Variants in TAF8 observed in about 807,000 individuals in gnomAD.
TAF8 encodes TATA-box binding protein associated factor 8.
A neutral mutation model predicts 36.5 loss-of-function variants in TAF8; 47 were observed. The ratio of observed to expected loss-of-function variants is 1.29; its 90% CI spans 1.02 to 1.64. The LOEUF (loss-of-function observed/expected upper bound fraction) is 1.64, where lower values mean the gene tolerates loss of function less well. Among genes scored for constraint, TAF8 ranks in the 40% most tolerant of loss-of-function variants. The pLI, the probability that TAF8 is intolerant of heterozygous loss-of-function variation, is 0.00. For missense variants in TAF8, 420 were observed against 407.6 expected, an observed-to-expected ratio of 1.03 and a Z score of -0.26; for synonymous variants, 175 against 159.5, an observed-to-expected ratio of 1.10 and a Z score of -0.73.
chr6:42,078,600 A>G lies in TAF8; in HGVS notation c.*1055A>G. The G allele has an allele frequency of 1.0e-6, 1 of 985,468 alleles. No homozygotes were observed. Among genetic ancestry groups the G allele is most frequent in the Non-Finnish European group, 1.2e-6 (1 of 829,950 alleles). The allele number at this position is 985,468 out of a possible 1,614,324, so 61.0% of individuals were successfully genotyped here. On this transcript the variant is annotated 3_prime_UTR_variant, in exon 9 of 9. Coordinates refer to ENST00000372977, the MANE Select transcript of TAF8 (RefSeq NM_138572.3). ...AGATGCATCACTGTGAAGAAGAACG[A>G]CATGTCGGGGCTGCACCTGTCCTCC...
At chr6:42,086,776 A>G (rs1210735833), downstream of TAF8, 1 of 1,548,778 alleles carries the variant, frequency 6.5e-7, no homozygotes, top group Non-Finnish European at 8.7e-7. Flanking sequence ...GTGCTCCCCA[A>G]GGAGATCGGT....
intron 7 of TAF8, among the ~76,000 whole-genome samples, chr6:42,070,448 C>T (rs955435217): frequency 7.9e-5 from 12 of 152,134 alleles, no homozygotes; most frequent in Non-Finnish European, 1.3e-4. Context: ...GCCAAGATCG[C>T]GCCACTGCAC....
At chr6:42,051,139 C>A (rs1472939985) in intron 1 of TAF8, 1 of 1,285,994 alleles carries the variant, frequency 7.8e-7, no homozygotes. Context: ...CTCATTGGGA[C>A]TGTACGTTTT....
At chr6:42,057,696 G>C (rs1290499304) in intron 5 of TAF8, 183 bp downstream of exon 5, 5 of 729,114 alleles carry the variant, frequency 6.9e-6, no homozygotes, top group Non-Finnish European at 1.1e-5. Flanking sequence ...GAGGCAGGAG[G>C]ATCACTTGAG....
chr6:42,056,089 G>T (rs1764978157), intron 4 of TAF8, 75 bp downstream of exon 4: 6 of 983,702 alleles, frequency 6.1e-6, no homozygotes, highest in Non-Finnish European at 9.8e-6. Context: ...GAATATGGTA[G>T]GGATTGGATT....
chr6:42,050,704 C>A, intron 1 of TAF8, 118 bp downstream of exon 1: 1 of 1,287,548 alleles, frequency 7.8e-7, no homozygotes, highest in Non-Finnish European at 1.0e-6. Context: ...CTCCGACTGG[C>A]GGAGGGTGTT....
Position 42,068,541 on chromosome 6 carries a change from A to C in TAF8, c.714A>C (p.Glu238Asp). The change falls in exon 7 of 9, where the codon GAA becomes GAC. Residue 238 changes from glutamate (E) to aspartate (D), a missense_variant. Physicochemically the swap from Glu to Asp is conservative, Grantham distance 45 (BLOSUM62 2). Coordinates refer to ENST00000372977, the MANE Select transcript of TAF8 (RefSeq NM_138572.3). ...CTGAACTGGAGATGCAACAAATGGA[A>C]GAGACAGATTCCTCGGAGCAGGATG... ...LPSELEMQQMEETDSSEQDEQ... is the reference protein window; with the variant it reads ...LPSELEMQQMDETDSSEQDEQ... 1 of 1,614,082 alleles carries C rather than the reference A, an allele frequency of 6.2e-7. No homozygotes were observed. The highest frequency in any genetic ancestry group is 8.5e-7 in the Non-Finnish European group (1 of 1,179,994).
intron 7 of TAF8, among the ~76,000 whole-genome samples, chr6:42,075,652 CAA>C (rs1341052193): frequency 2.0e-5 from 3 of 152,122 alleles, no homozygotes; most frequent in African/African-American, 7.2e-5. Context: ...ACAGGAATCT[CAA>C]TGACTTCTTC....
chr6:42,050,574 T>G lies in TAF8; in HGVS notation c.33T>G (p.Gly11=), dbSNP rs61744022. Residue 11 remains glycine, a synonymous_variant, in exon 1 of 9, where the codon GGT becomes GGG. Transcript: ENST00000372977. Reference sequence around the variant, plus strand: ...ACGCGGCGGCCACAGCTGGGGCCGGTGGCTCCGGAACGGTAAGGGCAGGAA... The same window carrying G: ...ACGCGGCGGCCACAGCTGGGGCCGGGGGCTCCGGAACGGTAAGGGCAGGAA... MADAAATAGA[G]GSGTRSGSKQ... is the part of the protein sequence containing the mutation. 82 of 1,538,728 alleles carry G rather than the reference T, an allele frequency of 5.3e-5. No homozygotes were observed. In the African/African-American group the frequency reaches 9.1e-4, roughly 17 times the overall value.
At chr6:42,067,147 T>C (rs1176552970) in intron 6 of TAF8, among the ~76,000 whole-genome samples, 4 of 152,216 alleles carry the variant, frequency 2.6e-5, no homozygotes, top group African/African-American at 9.6e-5. Context: ...GGAACATGGC[T>C]AGTAGACATC....
downstream of TAF8, chr6:42,086,744 A>G: frequency 1.9e-6 from 3 of 1,551,218 alleles, no homozygotes; most frequent in Non-Finnish European, 2.6e-6. Context: ...GAGAATTGTG[A>G]GACTTTGCCC....
In TAF8 at chr6:42,078,360, G is replaced by C. The variant is rs914314761; in HGVS notation, c.*815G>C. 2 of 985,468 alleles carry C rather than the reference G, an allele frequency of 2.0e-6. No individual in the cohort carries two copies. The highest frequency in any genetic ancestry group is 2.4e-6 in the Non-Finnish European group (2 of 829,948). The allele number at this position is 985,468 out of a possible 1,614,324, so 61.0% of individuals were successfully genotyped here. On this transcript the variant is annotated 3_prime_UTR_variant, in exon 9 of 9. Coordinates refer to ENST00000372977, the MANE Select transcript of TAF8 (RefSeq NM_138572.3). Reference sequence around the variant, plus strand: ...TTACAAGGAAGACTGTTTGTCCAGCGTGTATTTCAGGATATCTGGATCCCT... The same window carrying C: ...TTACAAGGAAGACTGTTTGTCCAGCCTGTATTTCAGGATATCTGGATCCCT...
At chr6:42,050,690 T>C in intron 1 of TAF8, 104 bp downstream of exon 1, 1 of 1,356,880 alleles carries the variant, frequency 7.4e-7, no homozygotes, top group Non-Finnish European at 9.9e-7. Flanking sequence ...AGCCCCATCA[T>C]GAGCTCCGAC....
At chr6:42,086,726 AC>A (rs1562026945), downstream of TAF8, 1 of 1,551,214 alleles carries the variant, frequency 6.4e-7, no homozygotes, top group Admixed American at 2.0e-5. Context: ...CAGGCCAGAT[AC>A]ATTCTAGAGA....
At chr6:42,069,871 CA>C (rs1167210857) in intron 7 of TAF8, among the ~76,000 whole-genome samples, 3 of 151,256 alleles carry the variant, frequency 2.0e-5, no homozygotes, top group Non-Finnish European at 4.4e-5. Flanking sequence ...GAGGAAGAAC[CA>C]GCATGGAGGT....
chr6:42,078,649 C>G lies in TAF8; in HGVS notation c.*1104C>G, dbSNP rs1280648143. The G allele has an allele frequency of 1.0e-6, 1 of 985,338 alleles. No individual in the cohort carries two copies. The highest frequency in any genetic ancestry group is 1.7e-5 in the African/African-American group (1 of 57,234). The allele number at this position is 985,338 out of a possible 1,614,324, so 61.0% of individuals were successfully genotyped here. A position where few individuals can be genotyped will look rare whatever the true frequency, so the allele number is the denominator to read the frequency against. On this transcript the variant is annotated 3_prime_UTR_variant, in exon 9 of 9. Transcript: ENST00000372977. ...CCCGTCGGCATTTGACGAAAGCTCC[C>G]TGAAGCGGGGCAGCACTCTCCTCCT...
At chr6:42,086,164 C>T (rs12206591), downstream of TAF8, among the ~76,000 whole-genome samples, 2,049 of 152,264 alleles carry the variant, frequency 0.013, 26 homozygotes, top group Non-Finnish European at 0.019. Flanking sequence ...TTGGAGCAGC[C>T]TGAGCAGACT....
At position 42,079,597 on chromosome 6, in the gene TAF8, G is replaced by A. The variant is rs993751400; in HGVS notation, c.*2052G>A. 3.1e-6 allele frequency: 3 copies of A among 981,622 alleles called. No homozygotes were observed. The highest frequency in any genetic ancestry group is 4.7e-5 in the South Asian group (1 of 21,188). The allele number at this position is 981,622 out of a possible 1,614,324, so 60.8% of individuals were successfully genotyped here. Reference sequence around the variant, plus strand: ...TTTTATTTTGAGACAGGGTCTCGCTGTGTCGCCCCAGCTGGAGTATAGTGG... The same window carrying A: ...TTTTATTTTGAGACAGGGTCTCGCTATGTCGCCCCAGCTGGAGTATAGTGG... On this transcript the variant is annotated 3_prime_UTR_variant, in exon 9 of 9. Transcript: ENST00000372977.
Position 42,065,040 on chromosome 6 carries a change from C to T in TAF8, c.490-1272C>T, listed in dbSNP as rs369101942. On this transcript the variant is annotated intron_variant, in intron 5 of 8. Coordinates refer to ENST00000372977, the MANE Select transcript of TAF8 (RefSeq NM_138572.3). ...GGTCGTTGTTAAAATGTCACCGTTG[C>T]CATTACCAATTAAAATGTTTTCCGG... Among the ~76,000 whole-genome samples the T allele has an allele frequency of 2.0e-5, 3 of 151,072 alleles. No individual in the cohort carries two copies. In the East Asian group the frequency reaches 5.9e-4, roughly 30 times the overall value.
Sources: allele counts gnomAD v4.1 joint callset (sites outside exome capture counted in the v4.1 genomes callset), GRCh38; gene constraint gnomAD v4.1.1; transcripts MANE v1.5; gene names NCBI Gene and HGNC (gene_info 2026-07-23, HGNC 2026-07-21).